RYR2: variants seen among roughly 807,000 people sequenced by gnomAD.
RYR2 encodes cardiac muscle ryanodine receptor-calcium release channel.
A neutral mutation model predicts 601.1 loss-of-function variants in RYR2; 227 were observed. The ratio of observed to expected loss-of-function variants is 0.38; its 90% CI spans 0.34 to 0.42. The LOEUF (loss-of-function observed/expected upper bound fraction) is 0.42, where lower values mean the gene tolerates loss of function less well. Ranked by LOEUF, RYR2 falls within the 10% of genes least tolerant of loss-of-function variation. The pLI, the probability that RYR2 is intolerant of heterozygous loss-of-function variation, is 1.00. For synonymous variants in RYR2, 2,223 were observed against 2,175.1 expected (o/e 1.02, Z -0.61); for missense variants, 4,646 against 6,156.5 (o/e 0.75, Z 8.21).
intron 1 of RYR2, among the ~76,000 whole-genome samples, chr1:237,225,646 A>G (rs1485873738): frequency 2.0e-5 from 3 of 152,204 alleles, no homozygotes; most frequent in Admixed American, 6.5e-5. Flanking sequence ...AGGTTTACCA[A>G]TCAGCTAAGT....
chr1:237,719,494 A>G lies in RYR2; in HGVS notation c.10554+973A>G, dbSNP rs1283026289. On this transcript the variant is annotated intron_variant, in intron 73 of 104. Transcript: ENST00000366574. ...AGCTTAAAATCATGGCAGATGGTGA[A>G]GGAGAGGCAGGCATCTCGCCTGGCA... 3.3e-5 allele frequency among the ~76,000 whole-genome samples: 5 copies of G among 152,062 alleles called. No individual in the cohort carries two copies. The East Asian group carries it at 5.8e-4, about 18-fold the overall frequency.
At position 237,680,571 on chromosome 1, in the gene RYR2, T is replaced by C; in HGVS notation, c.9011T>C (p.Val3004Ala). 1 of 1,600,568 alleles carries C rather than the reference T, an allele frequency of 6.2e-7. No individual in the cohort carries two copies. The highest frequency in any genetic ancestry group is 8.5e-7 in the Non-Finnish European group (1 of 1,172,886). Residue 3004 changes from valine to alanine, a missense_variant, in exon 62 of 105, where the codon GTG becomes GCG. Physicochemically the swap from Val to Ala is moderately conservative, Grantham distance 64 (BLOSUM62 0). Transcript: ENST00000366574. ...GCTTCCAACAAAGAGAAAGAAATGG[T>C]GACTAGGTAAACAGCTATAAAAATA... Reference protein sequence around the residue: ...GHASNKEKEMVTSLFCKLGVL... With the variant: ...GHASNKEKEMATSLFCKLGVL...
intron 101 of RYR2, among the ~76,000 whole-genome samples, chr1:237,820,976 C>T (rs1410575053): frequency 2.0e-5 from 3 of 152,168 alleles, no homozygotes; most frequent in East Asian, 3.9e-4. Context: ...TCTCTAGATT[C>T]CTCCTCTCTG....
intron 103 of RYR2, 119 bp from the exon 104 acceptor site, chr1:237,831,395 G>A (rs1365714805): frequency 3.3e-6 from 2 of 601,192 alleles, no homozygotes; most frequent in East Asian, 3.0e-5. Context: ...AAATTTGCAT[G>A]TGGCGTTTTC....
chr1:237,374,110 A>T (rs1358191710), intron 6 of RYR2, among the ~76,000 whole-genome samples: 2 of 152,312 alleles, frequency 1.3e-5, no homozygotes. Context: ...CCTCACAGAC[A>T]TTTAAAAATC....
At chr1:237,494,672 A>G (rs1663835817) in intron 19 of RYR2, among the ~76,000 whole-genome samples, 1 of 152,252 alleles carries the variant, frequency 6.6e-6, no homozygotes, top group African/African-American at 2.4e-5. Flanking sequence ...GCTTACAATC[A>G]ACAAAACGCT....
intron 29 of RYR2, among the ~76,000 whole-genome samples, chr1:237,573,737 G>C (rs927933372): frequency 1.3e-5 from 2 of 151,504 alleles, no homozygotes; most frequent in African/African-American, 4.8e-5. Context: ...GCTTGAACCT[G>C]GGAGGTGGAG....
chr1:237,437,073 C>T (rs1198109602), intron 12 of RYR2, among the ~76,000 whole-genome samples: 1 of 151,426 alleles, frequency 6.6e-6, no homozygotes, highest in Non-Finnish European at 1.5e-5. Context: ...GAGATGGACT[C>T]TGGCTCTGTT....
intron 11 of RYR2, among the ~76,000 whole-genome samples, chr1:237,419,530 C>G (rs1705350659): frequency 6.6e-6 from 1 of 152,086 alleles, no homozygotes; most frequent in Non-Finnish European, 1.5e-5. Flanking sequence ...AGGAGATGAT[C>G]TTATGGTCAG....
At chr1:237,633,531 A>T (rs550890741) in intron 42 of RYR2, 47 bp from the exon 43 acceptor site, 1 of 1,611,394 alleles carries the variant, frequency 6.2e-7, no homozygotes, top group East Asian at 2.2e-5. Context: ...ACTCAATTTT[A>T]TAAAGGTCGT....
chr1:237,156,721 G>T (rs1463543134), intron 1 of RYR2, among the ~76,000 whole-genome samples: 8 of 152,284 alleles, frequency 5.3e-5, no homozygotes, highest in Middle Eastern at 3.4e-3. Flanking sequence ...GTGGGGCATT[G>T]TGAAAGGAAC....
rs138396146 is a variant in RYR2 at position 237,429,877 on chromosome 1, C to T, written c.1005+6629C>T. On this transcript the variant is annotated intron_variant, in intron 12 of 104. Transcript: ENST00000366574. The stretch of plus-strand genomic sequence containing the variant: ...GCAAGTTAATTTCATCTTTCTTTGT[C>T]ATGCCAAAAAAATGGAAAAGTCACA... Among the ~76,000 whole-genome samples, 403 of 151,912 alleles carry T rather than the reference C, an allele frequency of 2.7e-3. 3 individuals are homozygous for T. Among genetic ancestry groups the T allele is most frequent in the African/African-American group, 8.8e-3 (364 of 41,446 alleles).
At chr1:237,669,556 C>T (rs540546519) in intron 58 of RYR2, among the ~76,000 whole-genome samples, 8 of 150,512 alleles carry the variant, frequency 5.3e-5, no homozygotes, top group African/African-American at 1.7e-4. Context: ...GGCGGAGGGG[C>T]TCCTCACTTC....
intron 12 of RYR2, among the ~76,000 whole-genome samples, chr1:237,438,927 T>C (rs1026394192): frequency 6.6e-6 from 1 of 152,168 alleles, no homozygotes; most frequent in Admixed American, 6.5e-5. Context: ...GAGAATTCAC[T>C]CCAGTGAATT....
At chr1:237,482,580 G>T (rs1179124126) in intron 17 of RYR2, among the ~76,000 whole-genome samples, 1 of 152,032 alleles carries the variant, frequency 6.6e-6, no homozygotes, top group Non-Finnish European at 1.5e-5. Flanking sequence ...TGTATATACT[G>T]ATTTTCTTTA....
intron 25 of RYR2, among the ~76,000 whole-genome samples, chr1:237,545,774 T>TCCAGG (rs1296463827): frequency 6.6e-6 from 1 of 151,582 alleles, no homozygotes; most frequent in East Asian, 1.9e-4. Context: ...AAAAATACTT[T>TCCAGG]CCAGGCCAGG....
At chr1:237,499,033 A>G (rs1345574383) in intron 20 of RYR2, among the ~76,000 whole-genome samples, 1 of 152,142 alleles carries the variant, frequency 6.6e-6, no homozygotes. Flanking sequence ...GCTCGAATTC[A>G]TAGTAACAGA....
intron 4 of RYR2, among the ~76,000 whole-genome samples, chr1:237,358,150 AT>A (rs1699462099): frequency 6.6e-6 from 1 of 152,178 alleles, no homozygotes; most frequent in South Asian, 2.1e-4. Context: ...CTTGAGTTAA[AT>A]TAGAACCGGT....
At chr1:237,604,019 A>G (rs1274003037) in intron 35 of RYR2, among the ~76,000 whole-genome samples, 1 of 152,208 alleles carries the variant, frequency 6.6e-6, no homozygotes, top group East Asian at 1.9e-4. Flanking sequence ...TCAACGAGAC[A>G]GAAAGTTAAC....
Sources: allele counts gnomAD v4.1 joint callset (sites outside exome capture counted in the v4.1 genomes callset), GRCh38; gene constraint gnomAD v4.1.1; transcripts MANE v1.5; gene names NCBI Gene and HGNC (gene_info 2026-07-23, HGNC 2026-07-21).